CYB5RL: variants seen among roughly 807,000 people sequenced by gnomAD.
The protein encoded by CYB5RL is NADH-cytochrome b5 reductase-like.
A neutral mutation model predicts 37.5 loss-of-function variants in CYB5RL; 38 were observed. The ratio of observed to expected loss-of-function variants is 1.01; its 90% confidence interval spans 0.78 to 1.33. The LOEUF (loss-of-function observed/expected upper bound fraction) is 1.33. Ranked by LOEUF, CYB5RL falls within the 40% of genes most tolerant of loss-of-function variation. The pLI is 0.00. For synonymous variants in CYB5RL, 141 were observed against 151.9 expected (o/e 0.93, Z 0.53); for missense variants, 388 against 394.4 (o/e 0.98, Z 0.14).
intron 7 of CYB5RL, among the ~76,000 whole-genome samples, chr1:54,176,402 G>C (rs1257418462): frequency 6.6e-6 from 1 of 152,200 alleles, no homozygotes; most frequent in East Asian, 1.9e-4. Flanking sequence ...GTGATGCTAT[G>C]TGCCTATAGT....
At position 54,195,673 on chromosome 1, in the gene CYB5RL, G is replaced by C. The variant is rs1169532289; in HGVS notation, c.-57C>G. ...CTGGGTGCTCTTCCAGAACAGGCCA[G>C]GCTCTATGAGACCACGGGCGCAGGC... is the stretch of plus-strand genomic sequence containing the variant. On this transcript the variant is annotated 5_prime_UTR_variant, in exon 3 of 8. Transcript: ENST00000534324. The C allele has an allele frequency of 9.1e-6, 14 of 1,531,112 alleles. No individual in the cohort carries two copies. The highest frequency in any genetic ancestry group is 1.1e-5 in the Non-Finnish European group (13 of 1,134,152). The allele number at this position is 1,531,112 out of a possible 1,614,324, so 94.8% of individuals were successfully genotyped here.
intron 3 of CYB5RL, among the ~76,000 whole-genome samples, chr1:54,192,951 C>A (rs980272137): frequency 2.0e-5 from 3 of 152,130 alleles, no homozygotes; most frequent in Non-Finnish European, 4.4e-5. Context: ...GACAGGGTTT[C>A]ACCATGTTGG....
At chr1:54,177,677 T>C (rs1347704469) in intron 7 of CYB5RL, among the ~76,000 whole-genome samples, 4 of 152,214 alleles carry the variant, frequency 2.6e-5, no homozygotes, top group South Asian at 2.1e-4. Context: ...AGGAGCATGA[T>C]GGGAGTATAA....
At chr1:54,180,647 T>C (rs1660137998) in intron 6 of CYB5RL, among the ~76,000 whole-genome samples, 1 of 151,364 alleles carries the variant, frequency 6.6e-6, no homozygotes, top group South Asian at 2.1e-4. Flanking sequence ...TTAAGGTCAG[T>C]GCCTTAAAGT....
chr1:54,190,071 A>C (rs1200710053), intron 4 of CYB5RL, among the ~76,000 whole-genome samples: 1 of 152,146 alleles, frequency 6.6e-6, no homozygotes, highest in Non-Finnish European at 1.5e-5. Flanking sequence ...ACTGAGCCTC[A>C]GATTCACAGA....
chr1:54,182,175 C>T (rs796480620), intron 6 of CYB5RL, among the ~76,000 whole-genome samples: 1 of 152,222 alleles, frequency 6.6e-6, no homozygotes, highest in African/African-American at 2.4e-5. Flanking sequence ...ATGGTTAGTA[C>T]TAGAAGAATA....
At chr1:54,175,106 T>C (rs1234289192) in intron 7 of CYB5RL, among the ~76,000 whole-genome samples, 2 of 152,132 alleles carry the variant, frequency 1.3e-5, no homozygotes, top group Non-Finnish European at 2.9e-5. Context: ...TCCCACCATT[T>C]CTCACTGCCT....
intron 7 of CYB5RL, chr1:54,175,645 T>C (rs773742053): frequency 3.8e-5 from 17 of 446,490 alleles, no homozygotes; most frequent in Non-Finnish European, 7.2e-5. Flanking sequence ...GGTTCCACAT[T>C]TGTGGATTCA....
At chr1:54,192,622 A>G (rs1643966570) in intron 3 of CYB5RL, among the ~76,000 whole-genome samples, 1 of 152,200 alleles carries the variant, frequency 6.6e-6, no homozygotes, top group South Asian at 2.1e-4. Context: ...AACAACCTAT[A>G]AAGTATTAAC....
chr1:54,197,317 CTT>C (rs766084507), intron 1 of CYB5RL, among the ~76,000 whole-genome samples: 9 of 124,016 alleles, frequency 7.3e-5, no homozygotes, highest in Admixed American at 2.7e-4. Context: ...CTTTTCTTTT[CTT>C]TTTTTTTTTT....
intron 1 of CYB5RL, among the ~76,000 whole-genome samples, chr1:54,198,027 CAAA>C (rs575486117): frequency 2.6e-3 from 200 of 78,416 alleles, no homozygotes; most frequent in African/African-American, 0.01. Flanking sequence ...GACTCTGTCT[CAAA>C]AAAAAAAAAA....
Position 54,172,577 on chromosome 1 carries a change from C to T in CYB5RL, c.*2042G>A. ...TAGACTAGGCTAAAGCCCCTGCCAA[C>T]CACTCTCCCAGCACCCTGCACTTAC... is the stretch of plus-strand genomic sequence containing the variant. On this transcript the variant is annotated 3_prime_UTR_variant, in exon 8 of 8. Transcript: ENST00000534324. The T allele has an allele frequency of 6.6e-6, 1 of 152,308 alleles. No individual in the cohort carries two copies. Among genetic ancestry groups the T allele is most frequent in the Middle Eastern group, 3.1e-3 (1 of 318 alleles). 9.4% of individuals were successfully genotyped at this position (152,308 alleles called of 1,614,324 possible).
In CYB5RL at chr1:54,190,668, C is replaced by T. The variant is rs568072586; in HGVS notation, c.347+80G>A. On this transcript the variant is annotated intron_variant, in intron 4 of 7. Coordinates refer to ENST00000534324, the MANE Select transcript of CYB5RL (RefSeq NM_001031672.4). ...ACAAATGGAGGCTTAAGGGAGAGTA[C>T]GCTAGTTGGTCAAGGCCAGCAGCTA... The T allele has an allele frequency of 4.8e-4, 728 of 1,520,754 alleles. 5 individuals are homozygous for T. In the South Asian group the frequency reaches 8.3e-3, roughly 17 times the overall value. The allele number at this position is 1,520,754 out of a possible 1,614,324, so 94.2% of individuals were successfully genotyped here.
intron 3 of CYB5RL, among the ~76,000 whole-genome samples, chr1:54,193,034 C>A (rs890373741): frequency 6.6e-6 from 1 of 152,232 alleles, no homozygotes; most frequent in East Asian, 1.9e-4. Flanking sequence ...GGATTACAGG[C>A]ATAAGCCACC....
rs1643942684 is a variant in CYB5RL, at chr1:54,190,741, A to C, written c.347+7T>G. 6.4e-7 allele frequency: 1 copy of C among 1,551,916 alleles called. No individual in the cohort carries two copies. The highest frequency in any genetic ancestry group is 1.2e-5 in the South Asian group (1 of 84,092). ...GAAGCTTTGGTCCTCCCGCTACCTG[A>C]GTGTACCGTAGGATGAGGTGCTGGC... On this transcript the variant is annotated splice_region_variant and intron_variant, in intron 4 of 7. Coordinates refer to ENST00000534324, the MANE Select transcript of CYB5RL (RefSeq NM_001031672.4).
At chr1:54,181,499 G>A (rs1185243454) in intron 6 of CYB5RL, among the ~76,000 whole-genome samples, 2 of 152,228 alleles carry the variant, frequency 1.3e-5, no homozygotes, top group African/African-American at 2.4e-5. Context: ...TAACGAAGAC[G>A]ACTGCAGAGC....
chr1:54,189,673 G>T (rs1351161603), intron 4 of CYB5RL, among the ~76,000 whole-genome samples: 1 of 152,212 alleles, frequency 6.6e-6, no homozygotes, highest in Non-Finnish European at 1.5e-5. Context: ...CTGGAGGCAG[G>T]GAGTTCTGAG....
At chr1:54,188,057 A>C (rs552324501) in intron 4 of CYB5RL, among the ~76,000 whole-genome samples, 9 of 152,300 alleles carry the variant, frequency 5.9e-5, no homozygotes, top group African/African-American at 2.2e-4. Context: ...GCCTGGGCAA[A>C]TAGAGCAAGA....
chr1:54,176,527 G>A (rs781702881), intron 7 of CYB5RL, among the ~76,000 whole-genome samples: 3 of 152,202 alleles, frequency 2.0e-5, no homozygotes, highest in Non-Finnish European at 4.4e-5. Context: ...GTGACACCCT[G>A]TCTCAAAACA....
Sources: gnomAD v4.1 joint callset for allele counts (sites outside exome capture counted in the v4.1 genomes callset) on GRCh38, gnomAD v4.1.1 for gene constraint, MANE v1.5 for transcripts, NCBI Gene and HGNC (gene_info 2026-07-23, HGNC 2026-07-21) for gene names.